CTIF: variants seen among roughly 807,000 people sequenced by gnomAD.
CTIF encodes CBP80/20-dependent translation initiation factor.
A neutral mutation model predicts 66.0 loss-of-function variants in CTIF; 21 were observed. That is an observed-to-expected ratio of 0.32 (90% CI 0.23 to 0.46). The LOEUF (loss-of-function observed/expected upper bound fraction) is 0.46. CTIF is among the 20% of genes least tolerant of loss of function. The pLI is 1.00. For missense variants in CTIF, 739 were observed against 812.7 expected (o/e 0.91, Z 1.10); for synonymous variants, 345 against 326.4 (o/e 1.06, Z -0.62).
chr18:48,631,622 T>A (rs549424682), intron 2 of CTIF, among the ~76,000 whole-genome samples: 6 of 152,232 alleles, frequency 3.9e-5, no homozygotes, highest in Non-Finnish European at 5.9e-5. Context: ...ACACCTGTAC[T>A]CTCATGTTTA....
intron 1 of CTIF, among the ~76,000 whole-genome samples, chr18:48,595,293 G>A (rs1321053502): frequency 1.3e-5 from 2 of 152,228 alleles, no homozygotes; most frequent in East Asian, 1.9e-4. Flanking sequence ...GAGCAAAGGG[G>A]AGAGTGGGAG....
At chr18:48,739,765 C>A (rs2092538497) in intron 7 of CTIF, among the ~76,000 whole-genome samples, 1 of 152,212 alleles carries the variant, frequency 6.6e-6, no homozygotes, top group South Asian at 2.1e-4. Flanking sequence ...GGTTTCAAAG[C>A]TCACAAATTC....
intron 6 of CTIF, among the ~76,000 whole-genome samples, chr18:48,694,641 G>A (rs2145307619): frequency 1.3e-5 from 2 of 152,330 alleles, no homozygotes; most frequent in South Asian, 4.1e-4. Flanking sequence ...ACCTTTTTAT[G>A]TGGTGCAGAC....
chr18:48,559,097 G>A (rs1279685413), intron 1 of CTIF, among the ~76,000 whole-genome samples: 1 of 152,172 alleles, frequency 6.6e-6, no homozygotes, highest in Non-Finnish European at 1.5e-5. Context: ...AAATCAGGAT[G>A]AGTATTTGGA....
intron 6 of CTIF, among the ~76,000 whole-genome samples, chr18:48,698,921 C>T (rs932390587): frequency 1.3e-5 from 2 of 152,254 alleles, no homozygotes; most frequent in South Asian, 2.1e-4. Context: ...CTAGTACAGC[C>T]GCTGGCACCA....
intron 1 of CTIF, among the ~76,000 whole-genome samples, chr18:48,617,304 T>C (rs1481055380): frequency 6.6e-6 from 1 of 152,204 alleles, no homozygotes; most frequent in African/African-American, 2.4e-5. Context: ...TGTGCTGAGC[T>C]CTAGTCCCAG....
At chr18:48,856,253 C>T (rs1183467909) in intron 10 of CTIF, among the ~76,000 whole-genome samples, 2 of 152,106 alleles carry the variant, frequency 1.3e-5, no homozygotes, top group South Asian at 2.1e-4. Context: ...AAAACTGGGA[C>T]ATAGCAAGCA....
chr18:48,678,331 C>T (rs2091673339), intron 6 of CTIF, among the ~76,000 whole-genome samples: 1 of 152,114 alleles, frequency 6.6e-6, no homozygotes, highest in East Asian at 1.9e-4. Context: ...GTGGCCTTCC[C>T]CATCCCTGCT....
intron 6 of CTIF, among the ~76,000 whole-genome samples, chr18:48,710,068 A>G (rs11662838): frequency 0.12 from 17,625 of 152,310 alleles, 1,081 homozygotes; most frequent in Non-Finnish European, 0.13. Flanking sequence ...CAGTCCCAGC[A>G]TAGCCAGGGT....
chr18:48,693,434 C>G (rs1295938963), intron 6 of CTIF, among the ~76,000 whole-genome samples: 1 of 152,222 alleles, frequency 6.6e-6, no homozygotes, highest in African/African-American at 2.4e-5. Flanking sequence ...GCATGAGAGT[C>G]TCTGGAGTGG....
chr18:48,573,875 C>T (rs1010626168), intron 1 of CTIF, among the ~76,000 whole-genome samples: 4 of 152,250 alleles, frequency 2.6e-5, no homozygotes, highest in African/African-American at 9.6e-5. Context: ...GCTCACCATG[C>T]CTCTGGCCGC....
intron 6 of CTIF, among the ~76,000 whole-genome samples, chr18:48,697,086 C>A (rs907718399): frequency 1.3e-5 from 2 of 152,250 alleles, no homozygotes; most frequent in African/African-American, 2.4e-5. Context: ...AGGCCACAGA[C>A]CCCTGGGCCT....
intron 9 of CTIF, among the ~76,000 whole-genome samples, chr18:48,778,220 T>A (rs1906161582): frequency 6.6e-6 from 1 of 151,978 alleles, no homozygotes; most frequent in African/African-American, 2.4e-5. Context: ...AGCCATCTTC[T>A]AAGGAGCCAG....
intron 6 of CTIF, among the ~76,000 whole-genome samples, chr18:48,670,998 AATAGACC>A (rs1418774712): frequency 5.9e-5 from 9 of 152,060 alleles, no homozygotes; most frequent in Non-Finnish European, 5.9e-5. Flanking sequence ...CTAGAGATGA[AATAGACC>A]ATGCCCTGGC....
At chr18:48,821,884 A>C (rs2068490327) in intron 10 of CTIF, among the ~76,000 whole-genome samples, 1 of 152,250 alleles carries the variant, frequency 6.6e-6, no homozygotes, top group African/African-American at 2.4e-5. Context: ...CTAAGGATAA[A>C]GTACAGTATT....
At chr18:48,833,925 A>G (rs979950854) in intron 10 of CTIF, among the ~76,000 whole-genome samples, 1 of 152,196 alleles carries the variant, frequency 6.6e-6, no homozygotes, top group African/African-American at 2.4e-5. Flanking sequence ...ATGTTGGCCC[A>G]GCGCAGAGCA....
At chr18:48,685,198 A>G (rs1231396578) in intron 6 of CTIF, among the ~76,000 whole-genome samples, 2 of 151,332 alleles carry the variant, frequency 1.3e-5, no homozygotes, top group Admixed American at 6.6e-5. Context: ...ATTTTGTTTG[A>G]TGTTTCTTCA....
intron 1 of CTIF, among the ~76,000 whole-genome samples, chr18:48,587,892 T>C (rs1458784274): frequency 6.6e-6 from 1 of 152,224 alleles, no homozygotes; most frequent in Non-Finnish European, 1.5e-5. Flanking sequence ...GAAAAGAGGA[T>C]TACTTACACA....
At chr18:48,550,307 A>G (rs1334131879) in intron 1 of CTIF, among the ~76,000 whole-genome samples, 1 of 152,218 alleles carries the variant, frequency 6.6e-6, no homozygotes, top group African/African-American at 2.4e-5. Context: ...CTGAGGCTCC[A>G]GTGGGTTGGT....
Sources: gnomAD v4.1 joint callset for allele counts (sites outside exome capture counted in the v4.1 genomes callset) on GRCh38, gnomAD v4.1.1 for gene constraint, MANE v1.5 for transcripts, NCBI Gene and HGNC (gene_info 2026-07-23, HGNC 2026-07-21) for gene names.